HSPA4: variants seen among roughly 807,000 people sequenced by gnomAD.
HSPA4 encodes heat shock 70 kDa protein 4.
A neutral mutation model predicts 106.2 loss-of-function variants in HSPA4; 25 were observed. The ratio of observed to expected loss-of-function variants is 0.24; its 90% confidence interval spans 0.17 to 0.33. The LOEUF (loss-of-function observed/expected upper bound fraction) is 0.33, where lower values mean the gene tolerates loss of function less well. Among genes scored for constraint, HSPA4 ranks in the 10% least tolerant of loss-of-function variants. The probability of loss-of-function intolerance (pLI) is 1.00; values close to 1 mark genes in which losing one functional copy is unlikely to be tolerated. For missense variants in HSPA4, 841 were observed against 996.0 expected (o/e 0.84, Z 2.10); for synonymous variants, 332 against 333.6 (o/e 1.00, Z 0.05).
At position 133,052,335 on chromosome 5, in the gene HSPA4, G is replaced by C; in HGVS notation, c.85G>C (p.Glu29Gln). The change falls in exon 1 of 19, where the codon GAG (glutamate) becomes CAG (glutamine). Residue 29 changes from glutamate to glutamine, a missense_variant. Physicochemically the swap from Glu to Gln is conservative, Grantham distance 29. This residue lies in a region of HSPA4 where 347 missense variants were observed against 408.7 expected (regional missense o/e 0.85). Transcript: ENST00000304858. ...CGGCGGCATCGAGACTATCGCTAAT[G>C]AGTATAGCGACCGCTGCACGCCGTA... Reference protein sequence around the residue: ...RAGGIETIANEYSDRCTPACI... With the variant: ...RAGGIETIANQYSDRCTPACI... 6.4e-7 allele frequency: 1 copy of C among 1,573,044 alleles called. No homozygotes were observed. The highest frequency in any genetic ancestry group is 8.6e-7 in the Non-Finnish European group (1 of 1,161,728).
At chr5:133,053,643 C>A (rs1240836554) in intron 1 of HSPA4, among the ~76,000 whole-genome samples, 1 of 151,934 alleles carries the variant, frequency 6.6e-6, no homozygotes, top group East Asian at 1.9e-4. Context: ...AACCACCGTG[C>A]CCTGCCCAGG....
At chr5:133,091,579 TTTC>T (rs1385192087) in intron 12 of HSPA4, among the ~76,000 whole-genome samples, 1 of 152,202 alleles carries the variant, frequency 6.6e-6, no homozygotes, top group Non-Finnish European at 1.5e-5. Flanking sequence ...CACAAGTTGA[TTTC>T]TTCTTTCAGA....
chr5:133,053,893 C>T (rs60270181), intron 1 of HSPA4, among the ~76,000 whole-genome samples: 2,764 of 152,026 alleles, frequency 0.018, 93 homozygotes, highest in African/African-American at 0.064. Flanking sequence ...CTCCTGACCT[C>T]AAGTGATCCT....
At chr5:133,055,065 T>TA (rs762852601) in intron 1 of HSPA4, among the ~76,000 whole-genome samples, 5 of 152,178 alleles carry the variant, frequency 3.3e-5, no homozygotes, top group African/African-American at 9.6e-5. Context: ...TTGTTGCAGA[T>TA]AAAAAATTTG....
chr5:133,096,211 G>T lies in HSPA4; in HGVS notation c.1764G>T (p.Gln588His). 1.2e-6 allele frequency: 2 copies of T among 1,613,906 alleles called. No individual in the cohort carries two copies. The highest frequency in any genetic ancestry group is 2.2e-5 in the East Asian group (1 of 44,858). Residue 588 changes from glutamine to histidine, a missense_variant, in exon 14 of 19, where the codon CAG (glutamine) becomes CAT (histidine). Coordinates refer to ENST00000304858, the MANE Select transcript of HSPA4 (RefSeq NM_002154.4). ...CAATCGAGAATCAGCTATTATGGCA[G>T]ATAGACAGAGAGATGCTCAACTTGT... ...DLPIENQLLWQIDREMLNLYI... is the reference protein window; with the variant it reads ...DLPIENQLLWHIDREMLNLYI...
At chr5:133,096,709 G>A (rs1045270387) in intron 14 of HSPA4, among the ~76,000 whole-genome samples, 1 of 152,170 alleles carries the variant, frequency 6.6e-6, no homozygotes, top group Non-Finnish European at 1.5e-5. Flanking sequence ...TTTGGGATTT[G>A]TGAGCACATT....
chr5:133,069,023 T>TGGG (rs1765347311), intron 3 of HSPA4, among the ~76,000 whole-genome samples: 1 of 152,142 alleles, frequency 6.6e-6, no homozygotes, highest in Non-Finnish European at 1.5e-5. Context: ...GTGGTTGGGC[T>TGGG]GGGGAGTCAG....
chr5:133,053,476 G>A (rs1765110692), intron 1 of HSPA4, among the ~76,000 whole-genome samples: 1 of 151,760 alleles, frequency 6.6e-6, no homozygotes, highest in African/African-American at 2.4e-5. Context: ...AGCCTCCTGA[G>A]TAGCTGGCGT....
At chr5:133,089,798 G>C (rs1765622663) in intron 11 of HSPA4, 103 bp downstream of exon 11, 1 of 871,654 alleles carries the variant, frequency 1.1e-6, no homozygotes, top group Admixed American at 3.0e-5. Context: ...AGGATCACTT[G>C]AGCTGAGGAG....
intron 4 of HSPA4, among the ~76,000 whole-genome samples, chr5:133,072,935 C>T (rs1270565482): frequency 6.6e-6 from 1 of 152,180 alleles, no homozygotes; most frequent in Non-Finnish European, 1.5e-5. Context: ...AACATGCAAG[C>T]AGGTGTTTTC....
chr5:133,055,283 T>C (rs1186491181), intron 1 of HSPA4, among the ~76,000 whole-genome samples: 1 of 146,868 alleles, frequency 6.8e-6, no homozygotes, highest in Non-Finnish European at 1.5e-5. Context: ...TTGGGCTAAA[T>C]AGAAAATGGT....
At chr5:133,073,151 G>A in intron 4 of HSPA4, 79 bp from the exon 5 acceptor site, 2 of 783,044 alleles carry the variant, frequency 2.6e-6, no homozygotes, top group South Asian at 1.6e-5. Context: ...ATTGCTGTAG[G>A]TATTTGATGG....
At chr5:133,102,692 A>G (rs187914811) in intron 17 of HSPA4, among the ~76,000 whole-genome samples, 120 of 152,264 alleles carry the variant, frequency 7.9e-4, no homozygotes, top group Non-Finnish European at 1.4e-3. Context: ...TTGTTAGTGT[A>G]AGAAACTTTG....
chr5:133,101,938 T>G, intron 17 of HSPA4, 60 bp downstream of exon 17: 1 of 1,350,322 alleles, frequency 7.4e-7, no homozygotes, highest in East Asian at 2.6e-5. Context: ...TTTTTTTTTT[T>G]TTTTTTGAGA....
chr5:133,100,146 C>T (rs968921460), intron 16 of HSPA4, among the ~76,000 whole-genome samples: 9 of 151,938 alleles, frequency 5.9e-5, no homozygotes, highest in African/African-American at 1.2e-4. Context: ...TCACTGCAAC[C>T]TCTGCCTCCT....
At chr5:133,068,872 TAA>T (rs35167921) in intron 3 of HSPA4, among the ~76,000 whole-genome samples, 2,767 of 152,256 alleles carry the variant, frequency 0.018, 93 homozygotes, top group African/African-American at 0.064. Context: ...GATGCAAGTC[TAA>T]AAGTGGTGGA....
chr5:133,105,257 C>T lies in HSPA4; in HGVS notation c.*821C>T, dbSNP rs1765842388. ...TTGGTGTAAAGATTTGTATCCTGGCCTGTTTATTCAGGTGGGAGATGTTCT... is the reference window on the plus strand; with the variant it reads ...TTGGTGTAAAGATTTGTATCCTGGCTTGTTTATTCAGGTGGGAGATGTTCT... On this transcript the variant is annotated 3_prime_UTR_variant, in exon 19 of 19. Transcript: ENST00000304858. 6.6e-6 allele frequency: 1 copy of T among 152,094 alleles called. No homozygotes were observed. Among genetic ancestry groups the T allele is most frequent in the South Asian group, 2.1e-4 (1 of 4,834 alleles). 9.4% of individuals were successfully genotyped at this position (152,094 alleles called of 1,614,324 possible). A position where few individuals can be genotyped will look rare whatever the true frequency, so the allele number is the denominator to read the frequency against.
At chr5:133,101,995 C>T (rs1041672092) in intron 17 of HSPA4, 117 bp downstream of exon 17, 21 of 656,834 alleles carry the variant, frequency 3.2e-5, no homozygotes, top group Admixed American at 3.0e-4. Context: ...GGTACAATCT[C>T]GGCTCAGTGC....
In HSPA4 at chr5:133,092,262, C is replaced by G. The variant is rs149149332; in HGVS notation, c.1561-438C>G. The stretch of plus-strand genomic sequence containing the variant: ...ACGTGTTCGCCTCCCCGAGCACATG[C>G]AGTGGTCATACTTTTGAGGATGAAG... On this transcript the variant is annotated intron_variant, in intron 12 of 18. Coordinates refer to ENST00000304858, the MANE Select transcript of HSPA4 (RefSeq NM_002154.4). 9.4e-3 allele frequency among the ~76,000 whole-genome samples: 1,427 copies of G among 152,254 alleles called. 10 individuals are homozygous for G. The highest frequency in any genetic ancestry group is 0.027 in the Middle Eastern group (8 of 294).
Sources: allele counts gnomAD v4.1 joint callset (sites outside exome capture counted in the v4.1 genomes callset), GRCh38; gene constraint gnomAD v4.1.1; regional missense constraint gnomAD v4.1.1; transcripts MANE v1.5; gene names NCBI Gene and HGNC (gene_info 2026-07-23, HGNC 2026-07-21).